Variants in LPA observed in about 807,000 individuals in gnomAD.
The protein encoded by LPA is lipoprotein(a), also known as apolipoprotein(a).
In LPA, 199 loss-of-function variants were observed where a neutral mutation model predicts 197.9. That is an observed-to-expected ratio of 1.01 (90% CI 0.90 to 1.13). LPA has a LOEUF of 1.13. Ranked by LOEUF, LPA falls within the 50% of genes most tolerant of loss-of-function variation. The pLI is 0.00. For missense variants in LPA, 1,853 were observed against 1,785.8 expected (o/e 1.04, Z -0.68); for synonymous variants, 715 against 639.5 (o/e 1.12, Z -1.78).
rs1778331281 is a variant in LPA, at chr6:160,559,791, G to C, written c.4632-2220C>G. On this transcript the variant is annotated intron_variant, in intron 28 of 38. Coordinates refer to ENST00000316300, the MANE Select transcript of LPA (RefSeq NM_005577.4). ...GAGTTCTTATTCATTCTGCAGTTCTGTATCTTATTATTATTATACTTTAAG... is the reference window on the plus strand; with the variant it reads ...GAGTTCTTATTCATTCTGCAGTTCTCTATCTTATTATTATTATACTTTAAG... 2.0e-5 allele frequency among the ~76,000 whole-genome samples: 3 copies of C among 151,942 alleles called. 1 individual carries two copies. In the South Asian group the frequency reaches 6.2e-4, roughly 32 times the overall value.
intron 1 of LPA, among the ~76,000 whole-genome samples, chr6:160,657,521 C>G (rs1780152822): frequency 6.6e-6 from 1 of 151,788 alleles, no homozygotes; most frequent in East Asian, 1.9e-4. Flanking sequence ...GCCTCAGCCT[C>G]CCAAGTAGAT....
intron 1 of LPA, among the ~76,000 whole-genome samples, chr6:160,662,773 C>A (rs944198535): frequency 6.6e-6 from 1 of 152,196 alleles, no homozygotes; most frequent in African/African-American, 2.4e-5. Flanking sequence ...ATGTGTTTGA[C>A]TTTAAAGTCA....
chr6:160,546,856 G>C (rs1395922718), intron 32 of LPA, among the ~76,000 whole-genome samples: 1 of 152,136 alleles, frequency 6.6e-6, no homozygotes, highest in Non-Finnish European at 1.5e-5. Context: ...CCTATTCATA[G>C]GCCCCAAAGT....
At chr6:160,565,442 C>A (rs1778434786) in intron 28 of LPA, among the ~76,000 whole-genome samples, 1 of 152,206 alleles carries the variant, frequency 6.6e-6, no homozygotes, top group Non-Finnish European at 1.5e-5. Context: ...CAAACTCCAA[C>A]AGACCTGCAG....
At chr6:160,663,745 A>C (rs183165316) in intron 1 of LPA, among the ~76,000 whole-genome samples, 32 of 152,368 alleles carry the variant, frequency 2.1e-4, no homozygotes, top group Non-Finnish European at 3.8e-4. Flanking sequence ...TCAAGGAACC[A>C]AACATATTCA....
chr6:160,578,027 C>T (rs1056868884), intron 27 of LPA, among the ~76,000 whole-genome samples: 1 of 152,124 alleles, frequency 6.6e-6, no homozygotes, highest in Non-Finnish European at 1.5e-5. Flanking sequence ...AGACAGCATT[C>T]GTTGGTTACC....
intron 23 of LPA, among the ~76,000 whole-genome samples, chr6:160,590,364 G>C (rs1178334065): frequency 6.6e-6 from 1 of 152,188 alleles, no homozygotes; most frequent in African/African-American, 2.4e-5. Flanking sequence ...GGAGGGGCAA[G>C]AACACTAAGA....
At chr6:160,655,244 G>A (rs1780112438) in intron 1 of LPA, among the ~76,000 whole-genome samples, 1 of 152,214 alleles carries the variant, frequency 6.6e-6, no homozygotes, top group South Asian at 2.1e-4. Context: ...TCTCTCAAAA[G>A]GAGAGTAGTT....
chr6:160,598,863 A>T (rs549844777), intron 20 of LPA, among the ~76,000 whole-genome samples: 1 of 152,318 alleles, frequency 6.6e-6, no homozygotes, highest in South Asian at 2.1e-4. Flanking sequence ...CATTCACTTC[A>T]GGGACTAGAG....
chr6:160,535,061 A>G (rs1318909423), intron 37 of LPA, among the ~76,000 whole-genome samples: 1 of 136,054 alleles, frequency 7.4e-6, no homozygotes, highest in Non-Finnish European at 1.6e-5. Flanking sequence ...GTGGGTAGTA[A>G]TGATGGTTAC....
At chr6:160,556,336 A>G in intron 29 of LPA, 152 bp from the exon 30 acceptor site, 2 of 678,590 alleles carry the variant, frequency 2.9e-6, no homozygotes, top group Non-Finnish European at 5.4e-6. Flanking sequence ...AAAACAATAG[A>G]TTAATAACAT....
At chr6:160,541,721 C>T (rs1418775658) in intron 34 of LPA, among the ~76,000 whole-genome samples, 2 of 152,102 alleles carry the variant, frequency 1.3e-5, no homozygotes, top group Non-Finnish European at 2.9e-5. Context: ...ATGGTGTGAG[C>T]CACTTGGAGC....
chr6:160,553,608 T>C (rs1015462127), intron 30 of LPA, among the ~76,000 whole-genome samples: 1 of 152,222 alleles, frequency 6.6e-6, no homozygotes, highest in African/African-American at 2.4e-5. Context: ...GATATTGTTT[T>C]CCTCTGGCTT....
chr6:160,587,751 TTGTGTG>T (rs67979615), intron 24 of LPA, among the ~76,000 whole-genome samples: 7,801 of 125,376 alleles, frequency 0.062, 307 homozygotes, highest in Admixed American at 0.17. Context: ...GGTTCAGTCT[TTGTGTG>T]TGTGTGTGTG....
At chr6:160,634,917 T>C (rs1394808719) in intron 7 of LPA, among the ~76,000 whole-genome samples, 2 of 150,138 alleles carry the variant, frequency 1.3e-5, no homozygotes, top group Admixed American at 6.6e-5. Flanking sequence ...TTTGTGCCCA[T>C]TCTAAAGACA....
Position 160,537,897 on chromosome 6 carries a change from C to A in LPA, c.5800G>T (p.Ala1934Ser), listed in dbSNP as rs189377046. 8 of 1,614,206 alleles carry A rather than the reference C, an allele frequency of 5.0e-6. No homozygotes were observed. The highest frequency in any genetic ancestry group is 1.3e-5 in the African/African-American group (1 of 75,070). ...CLPSPDYMVTARTECYITGWG... is the reference protein window; with the variant it reads ...CLPSPDYMVTSRTECYITGWG... ...CCAGTGATGTAACATTCAGTCCTGG[C>A]GGTGACCATGTAGTCTGGGGATGGC... is the stretch of plus-strand genomic sequence containing the variant. Residue 1934 changes from alanine to serine, a missense_variant, in exon 37 of 39, where the codon GCC becomes TCC. Ala to Ser is a moderately conservative substitution (Grantham distance 99). Coordinates refer to ENST00000316300, the MANE Select transcript of LPA (RefSeq NM_005577.4).
rs1336708319 is a variant in LPA, at chr6:160,576,698, A to G, written c.4631+438T>C. ...TGTGTGTGTGTGTGTGTGTATATAT[A>G]TATATATATATATATATATACACAT... On this transcript the variant is annotated intron_variant, in intron 28 of 38. Coordinates refer to ENST00000316300, the MANE Select transcript of LPA (RefSeq NM_005577.4). Among the ~76,000 whole-genome samples the G allele has an allele frequency of 1.3e-4, 18 of 142,476 alleles. 1 individual carries two copies. Among genetic ancestry groups the G allele is most frequent in the African/African-American group, 4.7e-4 (18 of 37,994 alleles). 93.5% of individuals were successfully genotyped at this position (142,476 alleles called of 152,430 possible).
intron 22 of LPA, among the ~76,000 whole-genome samples, 178 bp downstream of exon 22, chr6:160,593,780 C>G (rs1305141115): frequency 6.6e-6 from 1 of 152,172 alleles, no homozygotes; most frequent in Admixed American, 6.5e-5. Flanking sequence ...GAAAAGAGAG[C>G]TGGCCTGACA....
At position 160,541,003 on chromosome 6, in the gene LPA, G is replaced by A. The variant is rs190998632; in HGVS notation, c.5594+104C>T. The A allele has an allele frequency of 2.0e-3, 1,849 of 929,274 alleles. 46 individuals are homozygous for A. In the Admixed American group the frequency reaches 0.032, roughly 16 times the overall value. The allele number at this position is 929,274 out of a possible 1,614,324, so 57.6% of individuals were successfully genotyped here. ...TCCTTCCAGAAAAGGAAGAGAGGTG[G>A]GGAGGAAGGAAGGGGAGGGTGGGAA... On this transcript the variant is annotated intron_variant, in intron 35 of 38. Coordinates refer to ENST00000316300, the MANE Select transcript of LPA (RefSeq NM_005577.4).
Sources: gnomAD v4.1 joint callset for allele counts (sites outside exome capture counted in the v4.1 genomes callset) on GRCh38, gnomAD v4.1.1 for gene constraint, MANE v1.5 for transcripts, NCBI Gene and HGNC (gene_info 2026-07-23, HGNC 2026-07-21) for gene names.